Variants in TMEM117 observed in about 807,000 individuals in gnomAD.
The protein encoded by TMEM117 is transmembrane protein 117.
In TMEM117, 27 loss-of-function variants were observed where a neutral mutation model predicts 52.4. The ratio of observed to expected loss-of-function variants is 0.51; its 90% CI spans 0.38 to 0.71. TMEM117 has a LOEUF of 0.71. TMEM117 is among the 30% of genes least tolerant of loss of function. The pLI is 0.00. For missense variants in TMEM117, 556 were observed against 630.5 expected (o/e 0.88, Z 1.26); for synonymous variants, 215 against 206.3 (o/e 1.04, Z -0.36).
intron 2 of TMEM117, among the ~76,000 whole-genome samples, chr12:43,907,571 C>T (rs1314510122): frequency 1.4e-5 from 2 of 148,038 alleles, no homozygotes; most frequent in Non-Finnish European, 3.0e-5. Flanking sequence ...ACATTCAAAC[C>T]AAAGGCAAAG....
intron 1 of TMEM117, among the ~76,000 whole-genome samples, chr12:43,837,957 T>C (rs1943059190): frequency 1.3e-5 from 2 of 152,212 alleles, no homozygotes; most frequent in African/African-American, 2.4e-5. Flanking sequence ...TGTAAACCTC[T>C]AAATTAGCTA....
At chr12:43,944,116 TAGTG>T in intron 2 of TMEM117, 90 bp from the exon 3 acceptor site, 1 of 1,119,506 alleles carries the variant, frequency 8.9e-7, no homozygotes, top group Non-Finnish European at 1.3e-6. Context: ...CTTCAGAATA[TAGTG>T]AGACATTAAA....
intron 5 of TMEM117, among the ~76,000 whole-genome samples, chr12:44,259,589 C>T (rs994791710): frequency 1.5e-4 from 23 of 152,096 alleles, no homozygotes; most frequent in Admixed American, 1.4e-3. Flanking sequence ...CACAAGACTT[C>T]TCCAACCTTA....
chr12:44,280,912 C>T (rs574505051), intron 5 of TMEM117, among the ~76,000 whole-genome samples: 5 of 152,220 alleles, frequency 3.3e-5, no homozygotes, highest in Admixed American at 2.0e-4. Context: ...TTTAAAATGC[C>T]GACAATCAAT....
At chr12:44,146,811 T>G (rs1350067191) in intron 4 of TMEM117, among the ~76,000 whole-genome samples, 1 of 152,224 alleles carries the variant, frequency 6.6e-6, no homozygotes, top group Non-Finnish European at 1.5e-5. Flanking sequence ...GAAAAGCAAC[T>G]ATTTACATTA....
intron 2 of TMEM117, among the ~76,000 whole-genome samples, chr12:43,900,086 C>T (rs1008295492): frequency 2.6e-5 from 4 of 152,152 alleles, no homozygotes; most frequent in Non-Finnish European, 5.9e-5. Flanking sequence ...ACTCATTTCT[C>T]AGCTTATTCT....
At chr12:44,200,719 C>A (rs1949484334) in intron 4 of TMEM117, among the ~76,000 whole-genome samples, 1 of 152,112 alleles carries the variant, frequency 6.6e-6, no homozygotes, top group Non-Finnish European at 1.5e-5. Flanking sequence ...TGACGGTCAA[C>A]TATGTTTCAA....
intron 4 of TMEM117, among the ~76,000 whole-genome samples, chr12:44,152,121 A>G (rs1294063005): frequency 8.8e-5 from 10 of 113,116 alleles, no homozygotes; most frequent in South Asian, 8.0e-4. Flanking sequence ...ATATAAATGT[A>G]TATTATATAT....
At chr12:44,260,156 C>T (rs1325498650) in intron 5 of TMEM117, among the ~76,000 whole-genome samples, 1 of 152,150 alleles carries the variant, frequency 6.6e-6, no homozygotes, top group African/African-American at 2.4e-5. Context: ...CCTGCCTTGG[C>T]CACTAAGGCC....
At chr12:44,307,016 A>T (rs1170408723) in intron 6 of TMEM117, among the ~76,000 whole-genome samples, 1 of 152,224 alleles carries the variant, frequency 6.6e-6, no homozygotes, top group Non-Finnish European at 1.5e-5. Context: ...TCACCATGTA[A>T]CAGATTTGAA....
chr12:44,381,429 C>G (rs1952018651), intron 7 of TMEM117, among the ~76,000 whole-genome samples: 1 of 152,154 alleles, frequency 6.6e-6, no homozygotes, highest in South Asian at 2.1e-4. Context: ...TCAATTCAGT[C>G]TCGGAAGCTC....
intron 5 of TMEM117, among the ~76,000 whole-genome samples, chr12:44,241,983 A>G: frequency 6.6e-6 from 1 of 151,908 alleles, no homozygotes; most frequent in Non-Finnish European, 1.5e-5. Flanking sequence ...TAAATTTGAG[A>G]ATAAGTTTAT....
chr12:44,292,342 T>C (rs1174500094), intron 5 of TMEM117, among the ~76,000 whole-genome samples: 3 of 151,992 alleles, frequency 2.0e-5, no homozygotes, highest in African/African-American at 7.2e-5. Context: ...GAGTCCCTTC[T>C]TTTTTTCTTG....
chr12:44,115,908 C>A (rs960602036), intron 3 of TMEM117, among the ~76,000 whole-genome samples: 1 of 152,156 alleles, frequency 6.6e-6, no homozygotes, highest in African/African-American at 2.4e-5. Flanking sequence ...ACGATCGTGT[C>A]TTTCTCATTG....
chr12:44,175,573 C>T (rs572098255), intron 4 of TMEM117, among the ~76,000 whole-genome samples: 6 of 152,214 alleles, frequency 3.9e-5, no homozygotes, highest in African/African-American at 1.4e-4. Context: ...GTCTTTTGCC[C>T]ACAGATGATT....
At chr12:44,159,087 C>T (rs969155311) in intron 4 of TMEM117, among the ~76,000 whole-genome samples, 8 of 151,966 alleles carry the variant, frequency 5.3e-5, no homozygotes, top group African/African-American at 1.7e-4. Context: ...GAGATGGGGG[C>T]GGCAAATGGA....
chr12:44,052,648 C>T (rs74084629), intron 3 of TMEM117, among the ~76,000 whole-genome samples: 2,844 of 152,242 alleles, frequency 0.019, 110 homozygotes, highest in African/African-American at 0.065. Flanking sequence ...CAAGGACCCT[C>T]GGGCAGCATT....
intron 3 of TMEM117, among the ~76,000 whole-genome samples, chr12:44,076,225 G>C (rs1565817616): frequency 1.3e-5 from 2 of 152,196 alleles, no homozygotes; most frequent in Non-Finnish European, 2.9e-5. Flanking sequence ...GTGAGGAAAT[G>C]ACATCAGAGA....
At chr12:43,807,293 C>T in the TMEM117 span, among the ~76,000 whole-genome samples, 5 of 152,128 alleles carry the variant, frequency 3.3e-5, no homozygotes, top group East Asian at 9.6e-4. Context: ...CAGTACTATA[C>T]GATGTATTTT....
Sources: allele counts gnomAD v4.1 joint callset (sites outside exome capture counted in the v4.1 genomes callset), GRCh38; gene constraint gnomAD v4.1.1; transcripts MANE v1.5; gene names NCBI Gene and HGNC (gene_info 2026-07-23, HGNC 2026-07-21).